Variants in CABIN1 observed in about 807,000 individuals in gnomAD.
The protein encoded by CABIN1 is calcineurin-binding protein cabin-1.
In CABIN1, 133 loss-of-function variants were observed where a neutral mutation model predicts 227.7. The ratio of observed to expected loss-of-function variants is 0.58; its 90% CI spans 0.51 to 0.67. CABIN1 has a LOEUF of 0.67. Ranked by LOEUF, CABIN1 falls within the 30% of genes least tolerant of loss-of-function variation. The probability of loss-of-function intolerance (pLI) is 0.00; values close to 1 mark genes in which losing one functional copy is unlikely to be tolerated. For synonymous variants in CABIN1, 1,086 were observed against 1,155.1 expected (o/e 0.94, Z 1.21); for missense variants, 2,408 against 2,852.5 (o/e 0.84, Z 3.55).
intron 29 of CABIN1, chr22:24,156,506 A>C: frequency 6.2e-6 from 1 of 160,800 alleles, no homozygotes; most frequent in East Asian, 1.8e-4. Context: ...CGAAAGCGAA[A>C]GCCGCCCGCC....
At chr22:24,093,569 T>C (rs2041689852) in intron 24 of CABIN1, among the ~76,000 whole-genome samples, 1 of 147,850 alleles carries the variant, frequency 6.8e-6, no homozygotes, top group African/African-American at 2.5e-5. Flanking sequence ...AAAAAACTCA[T>C]TTAAAAAAAA....
At chr22:24,114,575 G>T (rs2042982509) in intron 27 of CABIN1, among the ~76,000 whole-genome samples, 1 of 152,212 alleles carries the variant, frequency 6.6e-6, no homozygotes, top group South Asian at 2.1e-4. Flanking sequence ...TCTGGAATTT[G>T]CCCTGTCAGT....
intron 5 of CABIN1, 116 bp from the exon 6 acceptor site, chr22:24,042,788 C>G (rs994206276): frequency 3.0e-6 from 3 of 991,340 alleles, no homozygotes; most frequent in Non-Finnish European, 3.1e-6. Context: ...TCCTCCCGTC[C>G]CCGGGGTGCA....
intron 26 of CABIN1, among the ~76,000 whole-genome samples, chr22:24,106,652 T>C (rs2042535817): frequency 6.6e-6 from 1 of 152,200 alleles, no homozygotes; most frequent in Non-Finnish European, 1.5e-5. Context: ...CCTGGCAAAC[T>C]TACCCCACTG....
intron 29 of CABIN1, among the ~76,000 whole-genome samples, 165 bp downstream of exon 29, chr22:24,134,580 T>G (rs925688066): frequency 3.9e-5 from 6 of 152,176 alleles, no homozygotes; most frequent in Non-Finnish European, 8.8e-5. Flanking sequence ...GACTCCGGTG[T>G]GGGGCTGTGA....
chr22:24,082,450 C>G (rs2040872239), intron 19 of CABIN1, among the ~76,000 whole-genome samples: 1 of 152,160 alleles, frequency 6.6e-6, no homozygotes, highest in African/African-American at 2.4e-5. Context: ...ACATCTTTGT[C>G]TGACTCCCAT....
intron 1 of CABIN1, among the ~76,000 whole-genome samples, chr22:24,033,501 A>G (rs1055397410): frequency 6.6e-6 from 1 of 152,124 alleles, no homozygotes; most frequent in African/African-American, 2.4e-5. Context: ...GCACATGTTC[A>G]ATCTGTCTGT....
At chr22:24,150,247 TGA>T (rs1003470274) in intron 29 of CABIN1, among the ~76,000 whole-genome samples, 1 of 152,196 alleles carries the variant, frequency 6.6e-6, no homozygotes, top group Admixed American at 6.5e-5. Flanking sequence ...TACTACTGTG[TGA>T]GTCTCAGGGC....
chr22:24,065,335 G>A (rs1397451925), intron 15 of CABIN1, among the ~76,000 whole-genome samples: 20 of 151,450 alleles, frequency 1.3e-4, no homozygotes, highest in South Asian at 1.0e-3. Flanking sequence ...ACGGGGTCGC[G>A]GCCGGGCAGA....
chr22:24,065,866 T>C (rs1003419949), intron 15 of CABIN1, among the ~76,000 whole-genome samples: 1 of 151,752 alleles, frequency 6.6e-6, no homozygotes, highest in African/African-American at 2.4e-5. Context: ...CAGTCAGGCG[T>C]GGCGGCGCAC....
intron 25 of CABIN1, among the ~76,000 whole-genome samples, chr22:24,096,933 C>A (rs1337115717): frequency 6.6e-6 from 1 of 152,220 alleles, no homozygotes; most frequent in Non-Finnish European, 1.5e-5. Flanking sequence ...GCCAGAGAGG[C>A]CTGCACCCAG....
intron 29 of CABIN1, chr22:24,156,031 C>T (rs1381894007): frequency 1.7e-5 from 10 of 572,022 alleles, no homozygotes; most frequent in South Asian, 1.2e-4. Flanking sequence ...CATGGCCCGG[C>T]GCTCGCCCTA....
At chr22:24,065,715 T>C (rs533536435) in intron 15 of CABIN1, among the ~76,000 whole-genome samples, 3 of 152,320 alleles carry the variant, frequency 2.0e-5, no homozygotes, top group African/African-American at 2.4e-5. Flanking sequence ...CTGGGCACCA[T>C]TGAGCACTGA....
At chr22:24,104,136 G>A (rs2042369545) in intron 26 of CABIN1, among the ~76,000 whole-genome samples, 1 of 152,124 alleles carries the variant, frequency 6.6e-6, no homozygotes, top group African/African-American at 2.4e-5. Context: ...GGGCAGTAGG[G>A]AGAGTGATGT....
At chr22:24,089,113 A>G (rs968206144) in intron 23 of CABIN1, among the ~76,000 whole-genome samples, 2 of 152,164 alleles carry the variant, frequency 1.3e-5, no homozygotes, top group South Asian at 4.1e-4. Context: ...TGAGCTGATC[A>G]TGGTTCTTGG....
At position 24,064,188 on chromosome 22, in the gene CABIN1, G is replaced by GT; in HGVS notation, c.2037+2dup. The GT allele has an allele frequency of 6.2e-7, 1 of 1,614,168 alleles. No individual in the cohort carries two copies. The highest frequency in any genetic ancestry group is 8.5e-7 in the Non-Finnish European group (1 of 1,180,006). On this transcript the variant is annotated splice_donor_variant, in intron 15 of 36. Coordinates refer to ENST00000263119, the MANE Select transcript of CABIN1 (RefSeq NM_012295.4). LOFTEE classifies it high-confidence loss of function. Reference sequence around the variant, plus strand: ...TGACTCTGTGGTTTCCCTGGAGGAGGTAAGTGAGAATTTTCGTTTGTTTGT... The same window carrying GT: ...TGACTCTGTGGTTTCCCTGGAGGAGGTTAAGTGAGAATTTTCGTTTGTTTGT...
At chr22:24,104,340 AAAGCCTC>A (rs2042384018) in intron 26 of CABIN1, among the ~76,000 whole-genome samples, 1 of 152,210 alleles carries the variant, frequency 6.6e-6, no homozygotes, top group Admixed American at 6.5e-5. Context: ...GAAAATGTTT[AAAGCCTC>A]CCGAGGCCTC....
chr22:24,049,606 C>T (rs925704325), intron 7 of CABIN1, among the ~76,000 whole-genome samples: 9 of 152,190 alleles, frequency 5.9e-5, no homozygotes, highest in African/African-American at 2.2e-4. Flanking sequence ...GATCATGTGC[C>T]ACCCCTGCCT....
chr22:24,055,235 G>A (rs2038695865), intron 9 of CABIN1, 76 bp downstream of exon 9: 1 of 1,525,980 alleles, frequency 6.6e-7, no homozygotes, highest in East Asian at 2.3e-5. Flanking sequence ...CTGCTGGGGA[G>A]CCCTGCCTCC....
Sources: allele counts gnomAD v4.1 joint callset (sites outside exome capture counted in the v4.1 genomes callset), GRCh38; gene constraint gnomAD v4.1.1; transcripts MANE v1.5; gene names NCBI Gene and HGNC (gene_info 2026-07-23, HGNC 2026-07-21).